CDK14: variants seen among roughly 807,000 people sequenced by gnomAD.
The protein encoded by CDK14 is cyclin dependent kinase 14, also known as cyclin-dependent kinase 14.
In CDK14, 34 loss-of-function variants were observed where a neutral mutation model predicts 60.7. The observed-to-expected ratio is 0.56, with a 90% CI of 0.43 to 0.75. The LOEUF is 0.75. Ranked by LOEUF, CDK14 falls within the 30% of genes least tolerant of loss-of-function variation. The pLI, the probability that CDK14 is intolerant of heterozygous loss-of-function variation, is 0.00. For missense variants in CDK14, 482 were observed against 564.1 expected (o/e 0.85, Z 1.47); for synonymous variants, 197 against 203.7 (o/e 0.97, Z 0.28).
Position 90,917,586 on chromosome 7 carries a change from C to A in CDK14, c.703-15C>A. 6.2e-7 allele frequency: 1 copy of A among 1,609,882 alleles called. No individual in the cohort carries two copies. Among genetic ancestry groups the A allele is most frequent in the Middle Eastern group, 1.7e-4 (1 of 6,040 alleles). On this transcript the variant is annotated splice_polypyrimidine_tract_variant and intron_variant, in intron 7 of 14. Transcript: ENST00000380050. The stretch of plus-strand genomic sequence containing the variant: ...TCTGTGTTCTGATTTTAACCTTTGT[C>A]TCCTTATTTTTCAGTTGTTTTTATT...
chr7:90,858,670 C>G (rs1398700651), intron 5 of CDK14, among the ~76,000 whole-genome samples: 1 of 152,130 alleles, frequency 6.6e-6, no homozygotes, highest in Non-Finnish European at 1.5e-5. Flanking sequence ...GTGTTATGTA[C>G]CATACCTTGC....
chr7:91,178,896 G>A (rs1457335204), intron 14 of CDK14, among the ~76,000 whole-genome samples: 10 of 152,108 alleles, frequency 6.6e-5, no homozygotes, highest in Admixed American at 6.5e-4. Context: ...GGAAGTCAGT[G>A]TGGCGATTCC....
chr7:91,154,856 A>G (rs1800938723), intron 14 of CDK14, among the ~76,000 whole-genome samples: 1 of 152,184 alleles, frequency 6.6e-6, no homozygotes, highest in Non-Finnish European at 1.5e-5. Context: ...CAAATCAGTC[A>G]TATTTGGTGA....
At chr7:90,616,184 CA>C (rs1563016898) in intron 2 of CDK14, among the ~76,000 whole-genome samples, 2 of 151,930 alleles carry the variant, frequency 1.3e-5, no homozygotes, top group East Asian at 3.8e-4. Context: ...AAAACTAAAA[CA>C]GTGATACAGA....
At chr7:90,936,982 G>C (rs1471643386) in intron 8 of CDK14, among the ~76,000 whole-genome samples, 1 of 152,070 alleles carries the variant, frequency 6.6e-6, no homozygotes, top group Non-Finnish European at 1.5e-5. Context: ...GGGAGGCTGA[G>C]GCAGGAGGAT....
intron 11 of CDK14, among the ~76,000 whole-genome samples, chr7:91,077,540 C>A (rs1798361171): frequency 6.6e-6 from 1 of 151,854 alleles, no homozygotes; most frequent in South Asian, 2.1e-4. Context: ...ATAGCTAATG[C>A]ATGCAGGGCT....
At chr7:90,827,330 C>T (rs1331419816) in intron 5 of CDK14, among the ~76,000 whole-genome samples, 2 of 152,180 alleles carry the variant, frequency 1.3e-5, no homozygotes, top group African/African-American at 4.8e-5. Flanking sequence ...GGATGTACCA[C>T]AGTTTATTTA....
intron 5 of CDK14, among the ~76,000 whole-genome samples, chr7:90,808,225 G>A (rs1788940777): frequency 6.6e-6 from 1 of 152,140 alleles, no homozygotes; most frequent in Non-Finnish European, 1.5e-5. Context: ...GAAAGATTGG[G>A]TTACCCACAA....
chr7:91,176,471 A>C (rs959131755), intron 14 of CDK14, among the ~76,000 whole-genome samples: 8 of 152,204 alleles, frequency 5.3e-5, no homozygotes, highest in African/African-American at 1.9e-4. Flanking sequence ...AGCAGAACTG[A>C]AGGAAATAGA....
intron 5 of CDK14, among the ~76,000 whole-genome samples, chr7:90,805,531 A>G (rs1262143239): frequency 6.6e-6 from 1 of 152,112 alleles, no homozygotes; most frequent in African/African-American, 2.4e-5. Flanking sequence ...ATCACTTTAA[A>G]TACTTATAAT....
chr7:90,740,288 G>GAGAGAGAA (rs1044853911), intron 3 of CDK14, among the ~76,000 whole-genome samples: 2 of 149,574 alleles, frequency 1.3e-5, no homozygotes, highest in Admixed American at 1.3e-4. Context: ...GAGAGAGAGA[G>GAGAGAGAA]AGAAAGAAAG....
chr7:90,668,877 T>C (rs1282758204), intron 2 of CDK14, among the ~76,000 whole-genome samples: 1 of 149,968 alleles, frequency 6.7e-6, no homozygotes, highest in African/African-American at 2.5e-5. Flanking sequence ...CCTGGCTATT[T>C]TTTTTTTGTT....
At chr7:91,113,212 G>A (rs1799519667) in intron 13 of CDK14, among the ~76,000 whole-genome samples, 1 of 152,222 alleles carries the variant, frequency 6.6e-6, no homozygotes, top group Non-Finnish European at 1.5e-5. Context: ...CTGCTATGCA[G>A]CGAGCTGAGG....
At chr7:90,821,246 G>C (rs1043698760) in intron 5 of CDK14, among the ~76,000 whole-genome samples, 6 of 152,170 alleles carry the variant, frequency 3.9e-5, no homozygotes, top group African/African-American at 1.4e-4. Context: ...CAGCTATAAG[G>C]AAGTGAGAAA....
chr7:91,108,617 A>G (rs1278411616), intron 12 of CDK14, among the ~76,000 whole-genome samples: 6 of 152,192 alleles, frequency 3.9e-5, no homozygotes, highest in African/African-American at 1.2e-4. Flanking sequence ...TTTGCCTGCC[A>G]CTATATGTTT....
intron 2 of CDK14, among the ~76,000 whole-genome samples, chr7:90,715,097 C>T (rs943986867): frequency 1.3e-5 from 2 of 152,040 alleles, no homozygotes; most frequent in Non-Finnish European, 2.9e-5. Flanking sequence ...ATTGCACCTT[C>T]TGGATGCTGT....
intron 11 of CDK14, among the ~76,000 whole-genome samples, chr7:91,068,904 T>G (rs1324386812): frequency 3.4e-5 from 5 of 148,738 alleles, no homozygotes; most frequent in Non-Finnish European, 7.4e-5. Context: ...CACCTCTCTC[T>G]CCTGGGTTCT....
intron 8 of CDK14, among the ~76,000 whole-genome samples, chr7:90,952,338 A>G (rs1209228325): frequency 6.6e-6 from 1 of 152,190 alleles, no homozygotes; most frequent in Non-Finnish European, 1.5e-5. Context: ...TAACCATCTT[A>G]TAGAGATGTG....
intron 2 of CDK14, among the ~76,000 whole-genome samples, chr7:90,685,891 G>T (rs75996002): frequency 0.072 from 10,942 of 151,914 alleles, 538 homozygotes; most frequent in East Asian, 0.19. Flanking sequence ...TATAGATACT[G>T]TATATTTCTT....
Sources: allele counts gnomAD v4.1 joint callset (sites outside exome capture counted in the v4.1 genomes callset), GRCh38; gene constraint gnomAD v4.1.1; transcripts MANE v1.5; gene names NCBI Gene and HGNC (gene_info 2026-07-23, HGNC 2026-07-21).